Variants in PCDHGB2 observed in about 807,000 individuals in gnomAD.
PCDHGB2 encodes the protein protocadherin gamma subfamily B, 2.
A neutral mutation model predicts 59.3 loss-of-function variants in PCDHGB2; 55 were observed. That is an observed-to-expected ratio of 0.93 (90% confidence interval 0.75 to 1.16). The LOEUF (loss-of-function observed/expected upper bound fraction) is 1.16, where lower values mean the gene tolerates loss of function less well. Among genes scored for constraint, PCDHGB2 ranks in the 50% most tolerant of loss-of-function variants. The pLI, the probability that PCDHGB2 is intolerant of heterozygous loss-of-function variation, is 0.00. For missense variants in PCDHGB2, 1,228 were observed against 1,198.5 expected, an observed-to-expected ratio of 1.02 and a Z score of -0.36; for synonymous variants, 516 against 512.0, an observed-to-expected ratio of 1.01 and a Z score of -0.11.
In PCDHGB2 at chr5:141,485,990, C is replaced by T. The variant is rs1285988124; in HGVS notation, c.2422-8817C>T. 2.5e-6 allele frequency: 4 copies of T among 1,614,168 alleles called. No homozygotes were observed. The stretch of plus-strand genomic sequence containing the variant: ...CAATGCCTCAGACCCGGACCTGGGT[C>T]CCAGTGGTAACGTCACCTTTTATTT... On this transcript the variant is annotated intron_variant, in intron 1 of 3. Coordinates refer to ENST00000522605, the MANE Select transcript of PCDHGB2 (RefSeq NM_018923.3). This position sits in a 1 kb window ranked among gnomAD's most constrained non-coding sequence, Gnocchi z 5.7.
At chr5:141,423,240 A>G (rs1260661059) in intron 1 of PCDHGB2, 1 of 1,613,932 alleles carries the variant, frequency 6.2e-7, no homozygotes, top group Middle Eastern at 1.6e-4. Context: ...GCATCCCCGA[A>G]GTCCTGGCGG....
chr5:141,421,512 G>T, intron 1 of PCDHGB2: 2 of 1,614,094 alleles, frequency 1.2e-6, no homozygotes, highest in Non-Finnish European at 1.7e-6. Context: ...ACCGGGAGGA[G>T]CTCTGTGAGA....
At chr5:141,447,535 G>C (rs1366016262) in intron 1 of PCDHGB2, among the ~76,000 whole-genome samples, 1 of 152,162 alleles carries the variant, frequency 6.6e-6, no homozygotes, top group African/African-American at 2.4e-5. Flanking sequence ...AAATTGTTGG[G>C]TTTTAATGTT....
In PCDHGB2 at chr5:141,432,198, AC is replaced by A. The variant is rs1345236539; in HGVS notation, c.2422-62608del. ...GTCTCTGTGACCGCCCACGACCCCG[AC>A]TGTGAAGAGAACGCCCAGATCACTT... is the stretch of plus-strand genomic sequence containing the variant. On this transcript the variant is annotated intron_variant, in intron 1 of 3. Coordinates refer to ENST00000522605, the MANE Select transcript of PCDHGB2 (RefSeq NM_018923.3). This position sits in a 1 kb window ranked among gnomAD's most constrained non-coding sequence, Gnocchi z 6.0. 6 of 1,613,998 alleles carry A rather than the reference AC, an allele frequency of 3.7e-6. No homozygotes were observed. Among genetic ancestry groups the A allele is most frequent in the Non-Finnish European group, 4.2e-6 (5 of 1,180,030 alleles).
intron 2 of PCDHGB2, among the ~76,000 whole-genome samples, chr5:141,496,078 CCCCACCCACCA>C (rs1204698458): frequency 6.6e-6 from 1 of 152,016 alleles, no homozygotes; most frequent in Non-Finnish European, 1.5e-5. Context: ...ACACACAACC[CCCCACCCACCA>C]CCCACCAACA....
In PCDHGB2 at chr5:141,398,481, C is replaced by T. The variant is rs377302058; in HGVS notation, c.2421+35925C>T. ...CTGAAAATCCACTGAACTTTTATCACGTGAATGTGGAGATCGAGGACATTA... is the reference window on the plus strand; with the variant it reads ...CTGAAAATCCACTGAACTTTTATCATGTGAATGTGGAGATCGAGGACATTA... On this transcript the variant is annotated intron_variant, in intron 1 of 3. Transcript: ENST00000522605. The T allele has an allele frequency of 6.8e-6, 11 of 1,607,008 alleles. No individual in the cohort carries two copies. In the African/African-American group the frequency reaches 8.1e-5, roughly 12 times the overall value.
intron 1 of PCDHGB2, chr5:141,399,919 G>A: frequency 6.2e-7 from 1 of 1,612,300 alleles, no homozygotes; most frequent in Non-Finnish European, 8.5e-7. Flanking sequence ...AGGACACAAC[G>A]CCTGGCTGTC....
intron 1 of PCDHGB2, among the ~76,000 whole-genome samples, chr5:141,483,310 A>G (rs2099579870): frequency 6.6e-6 from 1 of 152,156 alleles, no homozygotes; most frequent in African/African-American, 2.4e-5. Context: ...GACTGGGGAC[A>G]TTGGGACTGG....
intron 1 of PCDHGB2, chr5:141,418,929 T>A: frequency 6.2e-7 from 1 of 1,614,034 alleles, no homozygotes; most frequent in Non-Finnish European, 8.5e-7. Flanking sequence ...GATCAGATTA[T>A]GGAGGATTCC....
At chr5:141,447,657 C>A (rs997179275) in intron 1 of PCDHGB2, among the ~76,000 whole-genome samples, 4 of 152,088 alleles carry the variant, frequency 2.6e-5, no homozygotes, top group Non-Finnish European at 4.4e-5. Context: ...TTTTCCCCCC[C>A]AGGAAGTTAG....
Position 141,510,868 on chromosome 5 carries a change from T to C in PCDHGB2, c.2570-79T>C, listed in dbSNP as rs2099883142. 40 of 1,608,466 alleles carry C rather than the reference T, an allele frequency of 2.5e-5. No homozygotes were observed. The Middle Eastern group carries it at 4.9e-4, about 20-fold the overall frequency. On this transcript the variant is annotated intron_variant, in intron 3 of 3. Transcript: ENST00000522605. The stretch of plus-strand genomic sequence containing the variant: ...GCCCAGGGTGCTGTATAGGCATTCA[T>C]TAACTGCTGGGGATATAAGACAGTG...
intron 1 of PCDHGB2, chr5:141,390,260 C>T (rs1206984031): frequency 6.2e-7 from 1 of 1,614,002 alleles, no homozygotes; most frequent in Non-Finnish European, 8.5e-7. Context: ...TTTGTAATTC[C>T]AGTGAATTGA....
intron 1 of PCDHGB2, among the ~76,000 whole-genome samples, chr5:141,474,448 A>G (rs1350019257): frequency 3.3e-5 from 5 of 152,204 alleles, no homozygotes; most frequent in Non-Finnish European, 5.9e-5. Context: ...GTAGCAAGTG[A>G]TTGGGCTATA....
intron 1 of PCDHGB2, chr5:141,393,678 A>T: frequency 6.2e-7 from 1 of 1,613,904 alleles, no homozygotes; most frequent in Non-Finnish European, 8.5e-7. Context: ...TGAAAAACAA[A>T]CTCCGTTATT....
chr5:141,391,885 G>C (rs1250781964), intron 1 of PCDHGB2: 2 of 152,194 alleles, frequency 1.3e-5, no homozygotes, highest in Non-Finnish European at 2.9e-5. Flanking sequence ...TGGTGAAAGG[G>C]ATGGGATGGA....
In PCDHGB2 at chr5:141,477,453, A is replaced by T; in HGVS notation, c.2422-17354A>T. On this transcript the variant is annotated intron_variant, in intron 1 of 3. Transcript: ENST00000522605. This position sits in a 1 kb window ranked among gnomAD's most constrained non-coding sequence, Gnocchi z 4.9. Reference sequence around the variant, plus strand: ...TCAGCCCTTACAATAGTGCGTGTTCAAGTGTCCGACATCAATGACAACCCT... The same window carrying T: ...TCAGCCCTTACAATAGTGCGTGTTCTAGTGTCCGACATCAATGACAACCCT... The T allele has an allele frequency of 6.2e-7, 1 of 1,614,136 alleles. No homozygotes were observed. The highest frequency in any genetic ancestry group is 8.5e-7 in the Non-Finnish European group (1 of 1,180,026).
At position 141,408,231 on chromosome 5, in the gene PCDHGB2, G is replaced by C. The variant is rs775180708; in HGVS notation, c.2421+45675G>C. 1.0e-5 allele frequency: 16 copies of C among 1,567,976 alleles called. No individual in the cohort carries two copies. The highest frequency in any genetic ancestry group is 1.2e-5 in the Non-Finnish European group (14 of 1,156,162). ...GGAGGGAGCTGCGCGCAGAGGCGCC[G>C]GGCCGGCCCGCGGCAGGTGCTATTT... is the stretch of plus-strand genomic sequence containing the variant. On this transcript the variant is annotated intron_variant, in intron 1 of 3. Transcript: ENST00000522605.
intron 1 of PCDHGB2, chr5:141,383,991 A>G: frequency 6.2e-7 from 1 of 1,613,866 alleles, no homozygotes; most frequent in Non-Finnish European, 8.5e-7. Context: ...CTCTTGGGAC[A>G]GTCATTGCTC....
In PCDHGB2 at chr5:141,393,591, C is replaced by T. The variant is rs369860953; in HGVS notation, c.2421+31035C>T. On this transcript the variant is annotated intron_variant, in intron 1 of 3. Coordinates refer to ENST00000522605, the MANE Select transcript of PCDHGB2 (RefSeq NM_018923.3). ...CCTTGAGAACATGCCCCCAGGCACG[C>T]GGCTGCTTACTGTAACAGCCAGCGA... The T allele has an allele frequency of 1.8e-5, 29 of 1,613,882 alleles. No homozygotes were observed. The Middle Eastern group carries it at 4.9e-4, about 28-fold the overall frequency.
Sources: gnomAD v4.1 joint callset for allele counts (sites outside exome capture counted in the v4.1 genomes callset) on GRCh38, gnomAD v4.1.1 for gene constraint, Gnocchi (gnomAD v3.1) non-coding constraint, MANE v1.5 for transcripts, NCBI Gene and HGNC (gene_info 2026-07-23, HGNC 2026-07-21) for gene names.